Variants in TNFSF13B observed in about 807,000 individuals in gnomAD.
TNFSF13B encodes TNF superfamily member 13b.
TNFSF13B carries 8 observed loss-of-function variants against 29.1 expected under a neutral mutation model. The observed-to-expected ratio is 0.27, with a 90% CI of 0.16 to 0.50. The LOEUF (loss-of-function observed/expected upper bound fraction) is 0.50, where lower values mean the gene tolerates loss of function less well. Among genes scored for constraint, TNFSF13B ranks in the 20% least tolerant of loss-of-function variants. TNFSF13B has a pLI of 0.98. For missense variants in TNFSF13B, 248 were observed against 334.9 expected, an observed-to-expected ratio of 0.74 and a Z score of 2.03; for synonymous variants, 125 against 130.8, an observed-to-expected ratio of 0.96 and a Z score of 0.30.
intron 2 of TNFSF13B, among the ~76,000 whole-genome samples, chr13:108,278,323 G>C (rs1880814382): frequency 6.6e-6 from 1 of 152,012 alleles, no homozygotes; most frequent in Admixed American, 6.6e-5. Flanking sequence ...TCTAGACAGT[G>C]GTCAAGAGAG....
At chr13:108,293,894 T>C (rs73611013) in intron 3 of TNFSF13B, among the ~76,000 whole-genome samples, 3,362 of 152,284 alleles carry the variant, frequency 0.022, 50 homozygotes, top group Middle Eastern at 0.037. Context: ...ATAAGGACAT[T>C]AACCCATCCT....
intron 5 of TNFSF13B, among the ~76,000 whole-genome samples, chr13:108,304,985 C>T (rs1236676964): frequency 6.6e-6 from 1 of 152,084 alleles, no homozygotes; most frequent in African/African-American, 2.4e-5. Flanking sequence ...TTTATTAGTA[C>T]TAAAAATTTT....
At position 108,298,337 on chromosome 13, in the gene TNFSF13B, C is replaced by T. The variant is rs1377040392; in HGVS notation, c.482-4916C>T. The stretch of plus-strand genomic sequence containing the variant: ...AGATTATAAGAGACCCCCCAGGATA[C>T]ATTAAACTGATGAACATATGCATTA... On this transcript the variant is annotated intron_variant, in intron 3 of 5. Coordinates refer to ENST00000375887, the MANE Select transcript of TNFSF13B (RefSeq NM_006573.5). Among the ~76,000 whole-genome samples, 8 of 145,138 alleles carry T rather than the reference C, an allele frequency of 5.5e-5. 2 individuals carry two copies. The highest frequency in any genetic ancestry group is 1.2e-4 in the Non-Finnish European group (8 of 65,532).
At position 108,307,533 on chromosome 13, in the gene TNFSF13B, T is replaced by A. The variant is rs1881814457; in HGVS notation, c.*595T>A. Reference sequence around the variant, plus strand: ...GCTGAAAATAGTATCCATATACTATTTAAGTCTTTTATGGTTATTTCAAGT... The same window carrying A: ...GCTGAAAATAGTATCCATATACTATATAAGTCTTTTATGGTTATTTCAAGT... On this transcript the variant is annotated 3_prime_UTR_variant, in exon 6 of 6. Coordinates refer to ENST00000375887, the MANE Select transcript of TNFSF13B (RefSeq NM_006573.5). The A allele has an allele frequency of 1.3e-5, 2 of 152,054 alleles. No homozygotes were observed. The highest frequency in any genetic ancestry group is 4.1e-4 in the South Asian group (2 of 4,832). The allele number at this position is 152,054 out of a possible 1,614,324, so 9.4% of individuals were successfully genotyped here. A position where few individuals can be genotyped will look rare whatever the true frequency, so the allele number is the denominator to read the frequency against.
chr13:108,275,878 A>G (rs1880749905), intron 2 of TNFSF13B, among the ~76,000 whole-genome samples: 2 of 152,380 alleles, frequency 1.3e-5, no homozygotes, highest in South Asian at 4.1e-4. Flanking sequence ...ATCCATCAGG[A>G]TATCACATTG....
At chr13:108,281,250 A>G (rs1880946244) in intron 2 of TNFSF13B, among the ~76,000 whole-genome samples, 1 of 152,200 alleles carries the variant, frequency 6.6e-6, no homozygotes, top group Non-Finnish European at 1.5e-5. Context: ...TCAAAAAAAA[A>G]GAAAAAGAAA....
chr13:108,280,754 C>G (rs1162406973), intron 2 of TNFSF13B, among the ~76,000 whole-genome samples: 1 of 149,672 alleles, frequency 6.7e-6, no homozygotes, highest in Admixed American at 6.7e-5. Flanking sequence ...TGAGGCAATA[C>G]AAAAGGCTTG....
At chr13:108,296,751 A>G (rs769502510) in intron 3 of TNFSF13B, among the ~76,000 whole-genome samples, 12 of 143,624 alleles carry the variant, frequency 8.4e-5, no homozygotes, top group Admixed American at 7.5e-4. Context: ...TTTTCTCTTA[A>G]TTTCTTTTTG....
intron 2 of TNFSF13B, among the ~76,000 whole-genome samples, chr13:108,274,650 C>A (rs755459341): frequency 6.6e-6 from 1 of 152,094 alleles, no homozygotes; most frequent in East Asian, 1.9e-4. Context: ...GTCTGTAACA[C>A]AAGGACGTTT....
intron 3 of TNFSF13B, 72 bp from the exon 4 acceptor site, chr13:108,303,181 C>T (rs538650891): frequency 2.1e-6 from 2 of 963,540 alleles, no homozygotes; most frequent in Non-Finnish European, 3.1e-6. Flanking sequence ...TCAGAGGTAG[C>T]TTAACAACTA....
rs915963734 is a variant in TNFSF13B, at chr13:108,298,761, C to T, written c.482-4492C>T. Among the ~76,000 whole-genome samples the T allele has an allele frequency of 2.8e-5, 4 of 145,140 alleles. 1 individual carries two copies. The South Asian group carries it at 8.6e-4, about 31-fold the overall frequency. On this transcript the variant is annotated intron_variant, in intron 3 of 5. Coordinates refer to ENST00000375887, the MANE Select transcript of TNFSF13B (RefSeq NM_006573.5). Reference sequence around the variant, plus strand: ...GGAGGCCAAGGCAGGATCACAAGGTCGGGAGTTTGAGACCAGCCTGGCCAA... The same window carrying T: ...GGAGGCCAAGGCAGGATCACAAGGTTGGGAGTTTGAGACCAGCCTGGCCAA...
At chr13:108,285,994 A>G (rs142433116) in intron 2 of TNFSF13B, among the ~76,000 whole-genome samples, 78 of 152,376 alleles carry the variant, frequency 5.1e-4, no homozygotes, top group African/African-American at 1.7e-3. Flanking sequence ...TTTCTTAAAT[A>G]TTGACTGGAA....
At chr13:108,292,869 G>T (rs1881361267) in intron 3 of TNFSF13B, among the ~76,000 whole-genome samples, 1 of 151,994 alleles carries the variant, frequency 6.6e-6, no homozygotes, top group Admixed American at 6.6e-5. Flanking sequence ...CCTCTTTTGT[G>T]GATTATCTTT....
chr13:108,277,034 T>C (rs1052226814), intron 2 of TNFSF13B, among the ~76,000 whole-genome samples: 4 of 152,208 alleles, frequency 2.6e-5, no homozygotes, highest in African/African-American at 9.6e-5. Flanking sequence ...TCACCCACTG[T>C]TTCTGCAAAT....
At chr13:108,282,681 T>A (rs994303817) in intron 2 of TNFSF13B, among the ~76,000 whole-genome samples, 1 of 152,178 alleles carries the variant, frequency 6.6e-6, no homozygotes, top group African/African-American at 2.4e-5. Context: ...TTATGTGAAG[T>A]TTATTATGAT....
intron 2 of TNFSF13B, among the ~76,000 whole-genome samples, chr13:108,279,633 G>C (rs1184975389): frequency 6.6e-6 from 1 of 152,172 alleles, no homozygotes; most frequent in African/African-American, 2.4e-5. Flanking sequence ...TGAGTGAATT[G>C]TAAGCATTAG....
At chr13:108,296,580 A>G (rs1881463895) in intron 3 of TNFSF13B, among the ~76,000 whole-genome samples, 1 of 145,726 alleles carries the variant, frequency 6.9e-6, no homozygotes, top group South Asian at 2.1e-4. Context: ...TCTGTATTTT[A>G]ATTGCCAAAT....
intron 3 of TNFSF13B, among the ~76,000 whole-genome samples, chr13:108,299,734 C>T (rs1211893955): frequency 6.6e-6 from 1 of 152,110 alleles, no homozygotes; most frequent in Admixed American, 6.6e-5. Context: ...TAGTCTTTAC[C>T]TCCTGTTTGC....
At chr13:108,290,679 C>T (rs919818508) in intron 3 of TNFSF13B, among the ~76,000 whole-genome samples, 1 of 151,916 alleles carries the variant, frequency 6.6e-6, no homozygotes, top group Non-Finnish European at 1.5e-5. Context: ...CCTTATATCT[C>T]AAGCAGATTA....
Sources: gnomAD v4.1 joint callset for allele counts (sites outside exome capture counted in the v4.1 genomes callset) on GRCh38, gnomAD v4.1.1 for gene constraint, MANE v1.5 for transcripts, NCBI Gene and HGNC (gene_info 2026-07-23, HGNC 2026-07-21) for gene names.